The following ZNF7 variants were observed in gnomAD, a reference collection of about 807,000 sequenced individuals.
The protein encoded by ZNF7 is zinc finger protein 7, also known as C2-H2 type zinc finger protein.
In ZNF7, 10 loss-of-function variants were observed where a neutral mutation model predicts 12.0. The ratio of observed to expected loss-of-function variants is 0.83; its 90% CI spans 0.51 to 1.42. The LOEUF (loss-of-function observed/expected upper bound fraction) is 1.42. Among genes scored for constraint, ZNF7 ranks in the 40% most tolerant of loss-of-function variants. ZNF7 has a pLI of 0.00. For missense variants in ZNF7, 854 were observed against 837.2 expected (o/e 1.02, Z -0.25); for synonymous variants, 334 against 295.0 (o/e 1.13, Z -1.35).
At chr8:144,846,092 C>A, downstream of ZNF7, 1 of 1,536,252 alleles carries the variant, frequency 6.5e-7, no homozygotes, top group Non-Finnish European at 8.7e-7. Context: ...CCTGCCTCCT[C>A]CTGGGCTCTC....
intron 4 of ZNF7, chr8:144,840,938 C>G (rs1829813716): frequency 5.9e-6 from 1 of 168,678 alleles, no homozygotes; most frequent in South Asian, 1.6e-4. Context: ...TCCATGCTCT[C>G]CATTCAGAAC....
downstream of ZNF7, chr8:144,847,091 T>G (rs1049188895): frequency 1.3e-5 from 2 of 152,192 alleles, no homozygotes; most frequent in Non-Finnish European, 2.9e-5. Context: ...GCACATGACT[T>G]AAATTCAAGC....
At chr8:144,846,254 G>A, downstream of ZNF7, 1 of 1,409,854 alleles carries the variant, frequency 7.1e-7, no homozygotes, top group Non-Finnish European at 9.5e-7. Flanking sequence ...GGGCTGGGGT[G>A]CAAGCTTCAT....
intron 3 of ZNF7, 22 bp downstream of exon 3, chr8:144,829,626 C>G: frequency 6.3e-7 from 1 of 1,589,364 alleles, no homozygotes; most frequent in Non-Finnish European, 8.6e-7. Context: ...CCTTGGGGCC[C>G]CTTCCCCTGC....
Position 144,842,909 on chromosome 8 carries a change from G to C in ZNF7, c.1802G>C (p.Arg601Thr). The C allele has an allele frequency of 1.2e-6, 2 of 1,614,164 alleles. No homozygotes were observed. The highest frequency in any genetic ancestry group is 8.5e-7 in the Non-Finnish European group (1 of 1,180,026). ...SRSSYLIEHQ[R>T]IHTRAQWFYE... is the part of the protein sequence containing the mutation. ...AGCTCATATCTTATTGAACACCAGA[G>C]AATACACACTAGGGCCCAGTGGTTT... The change falls in exon 5 of 5, where the codon AGA (arginine) becomes ACA (threonine). Residue 601 changes from arginine (R) to threonine (T), a missense_variant. Physicochemically the swap from Arg to Thr is moderately conservative, Grantham distance 71. Transcript: ENST00000532777.
chr8:144,829,060 C>T lies in ZNF7; in HGVS notation c.-28C>T, dbSNP rs1377179075. The T allele has an allele frequency of 1.2e-6, 2 of 1,614,018 alleles. No individual in the cohort carries two copies. The highest frequency in any genetic ancestry group is 1.7e-5 in the Admixed American group (1 of 60,012). On this transcript the variant is annotated 5_prime_UTR_variant, in exon 2 of 5. In the 5' UTR this introduces an upstream ATG that the reference lacks. Coordinates refer to ENST00000532777, the MANE Select transcript of ZNF7 (RefSeq NM_003416.4). ...GCCAACAGGTCTCTCGGCCAGAACA[C>T]GTGGATGCCCACCCACCACTGAGCC... is the stretch of plus-strand genomic sequence containing the variant.
chr8:144,846,681 C>A (rs1830525663), downstream of ZNF7: 1 of 154,228 alleles, frequency 6.5e-6, no homozygotes, highest in Admixed American at 6.4e-5. Context: ...AGATATTAGC[C>A]ACGGAGGGAT....
intron 3 of ZNF7, among the ~76,000 whole-genome samples, chr8:144,833,537 C>G (rs11986374): frequency 0.019 from 2,878 of 151,780 alleles, 78 homozygotes; most frequent in African/African-American, 0.066. Context: ...CCACCACACC[C>G]GGCCAATTTT....
chr8:144,844,730 A>C (rs1303936600), downstream of ZNF7, among the ~76,000 whole-genome samples: 4 of 122,880 alleles, frequency 3.3e-5, no homozygotes, highest in East Asian at 2.3e-4. Context: ...AAAAAAAAAA[A>C]AAAAAACGAA....
downstream of ZNF7, chr8:144,845,839 T>TC (rs1830481151): frequency 2.6e-6 from 2 of 775,008 alleles, no homozygotes; most frequent in Non-Finnish European, 4.1e-6. Flanking sequence ...CCGGAACTTC[T>TC]GTGCACGTGG....
At position 144,842,187 on chromosome 8, in the gene ZNF7, G is replaced by T. The variant is rs1191011290; in HGVS notation, c.1080G>T (p.Arg360Ser). The T allele has an allele frequency of 3.1e-6, 5 of 1,613,908 alleles. No homozygotes were observed. In the East Asian group the frequency reaches 1.1e-4, roughly 36 times the overall value. The change falls in exon 5 of 5, where the codon AGG (arginine) becomes AGT (serine). Residue 360 changes from arginine to serine, a missense_variant. Physicochemically the swap from Arg to Ser is moderately radical, Grantham distance 110. Transcript: ENST00000532777. ...VRHQRTHTGE[R>S]PYPCKECGKA... is the part of the protein sequence containing the mutation. ...ACCAGAGAACTCACACTGGGGAGAG[G>T]CCCTACCCTTGCAAGGAGTGTGGGA...
chr8:144,829,020 A>T, intron 1 of ZNF7, 23 bp from the exon 2 acceptor site: 1 of 1,611,400 alleles, frequency 6.2e-7, no homozygotes, highest in Non-Finnish European at 8.5e-7. Flanking sequence ...CTTGACCTCT[A>T]ATCCTTTCAT....
At position 144,830,848 on chromosome 8, in the gene ZNF7, C is replaced by T. The variant is rs185044737; in HGVS notation, c.130+1244C>T. ...TCCTGGGTTCAAGCGATTCTCCTGC[C>T]TCAGCCTCCCGAGTAGCTGGGATTA... On this transcript the variant is annotated intron_variant, in intron 3 of 4. Transcript: ENST00000532777. 25 of 438,870 alleles carry T rather than the reference C, an allele frequency of 5.7e-5. 1 individual carries two copies. The highest frequency in any genetic ancestry group is 3.8e-4 in the South Asian group (24 of 62,412). The allele number at this position is 438,870 out of a possible 1,614,324, so 27.2% of individuals were successfully genotyped here.
At chr8:144,833,419 A>C (rs1828669203) in intron 3 of ZNF7, among the ~76,000 whole-genome samples, 1 of 151,582 alleles carries the variant, frequency 6.6e-6, no homozygotes, top group African/African-American at 2.4e-5. Context: ...CCTGGGCTGG[A>C]GTACAGTGGT....
chr8:144,842,921 G>A lies in ZNF7; in HGVS notation c.1814G>A (p.Arg605Lys), dbSNP rs1199922984. ...YLIEHQRIHTRAQWFYEYGNA... is the reference protein window; with the variant it reads ...YLIEHQRIHTKAQWFYEYGNA... ...ATTGAACACCAGAGAATACACACTA[G>A]GGCCCAGTGGTTTTACGAATATGGG... is the stretch of plus-strand genomic sequence containing the variant. Residue 605 changes from arginine (R) to lysine (K), a missense_variant, in exon 5 of 5, where the codon AGG (arginine) becomes AAG (lysine). Arg to Lys is a conservative substitution (Grantham distance 26). Transcript: ENST00000532777. The A allele has an allele frequency of 1.2e-6, 2 of 1,614,136 alleles. No homozygotes were observed. Among genetic ancestry groups the A allele is most frequent in the Admixed American group, 3.3e-5 (2 of 60,008 alleles).
chr8:144,841,297 T>G, intron 4 of ZNF7, 58 bp from the exon 5 acceptor site: 1 of 1,517,102 alleles, frequency 6.6e-7, no homozygotes, highest in Non-Finnish European at 8.8e-7. Flanking sequence ...GCATTTGTAG[T>G]CTTATCATTT....
intron 3 of ZNF7, among the ~76,000 whole-genome samples, chr8:144,832,607 A>C (rs969065282): frequency 6.6e-6 from 1 of 151,912 alleles, no homozygotes; most frequent in Non-Finnish European, 1.5e-5. Flanking sequence ...GGGTGGTTGT[A>C]ATCTTGGCTT....
intron 1 of ZNF7, chr8:144,828,699 G>T (rs1305589117): frequency 5.3e-5 from 16 of 299,658 alleles, no homozygotes; most frequent in Non-Finnish European, 1.0e-4. Flanking sequence ...GTGCTTATTT[G>T]TGTGGTTATT....
chr8:144,831,265 C>T (rs1426651962), intron 3 of ZNF7, among the ~76,000 whole-genome samples: 1 of 152,172 alleles, frequency 6.6e-6, no homozygotes, highest in Non-Finnish European at 1.5e-5. Flanking sequence ...TTATAACGTC[C>T]TGCTGCTGTG....
Sources: allele counts gnomAD v4.1 joint callset (sites outside exome capture counted in the v4.1 genomes callset), GRCh38; gene constraint gnomAD v4.1.1; transcripts MANE v1.5; gene names NCBI Gene and HGNC (gene_info 2026-07-23, HGNC 2026-07-21).